C11orf58: variants seen among roughly 807,000 people sequenced by gnomAD.
C11orf58 encodes the protein chromosome 11 open reading frame 58.
In C11orf58, 5 loss-of-function variants were observed where a neutral mutation model predicts 22.7. That is an observed-to-expected ratio of 0.22 (90% CI 0.12 to 0.46). The LOEUF is 0.46. Ranked by LOEUF, C11orf58 falls within the 20% of genes least tolerant of loss-of-function variation. C11orf58 has a pLI of 0.99. For synonymous variants in C11orf58, 71 were observed against 70.7 expected (o/e 1.00, Z -0.02); for missense variants, 151 against 223.3 (o/e 0.68, Z 2.06).
intron 1 of C11orf58, among the ~76,000 whole-genome samples, chr11:16,744,076 A>T (rs1848469776): frequency 6.6e-6 from 1 of 151,676 alleles, no homozygotes; most frequent in Admixed American, 6.6e-5. Context: ...AAGGCAACTG[A>T]AAAGTTAAAA....
rs1204482752 is a variant in C11orf58, at chr11:16,755,922, C to T, written c.*818C>T. 6.6e-6 allele frequency: 1 copy of T among 152,526 alleles called. No homozygotes were observed. The highest frequency in any genetic ancestry group is 2.4e-5 in the African/African-American group (1 of 41,414). 9.4% of individuals were successfully genotyped at this position (152,526 alleles called of 1,614,324 possible). ...GCTGTGATACCTTTATCCTCATTAT[C>T]TACAAATGAGGAACAGGCTTACTGA... On this transcript the variant is annotated 3_prime_UTR_variant, in exon 5 of 5. Transcript: ENST00000228136.
intron 1 of C11orf58, among the ~76,000 whole-genome samples, 165 bp downstream of exon 1, chr11:16,739,006 G>A (rs1376271584): frequency 1.3e-5 from 2 of 152,060 alleles, no homozygotes; most frequent in African/African-American, 2.4e-5. Flanking sequence ...TCTTTATGAG[G>A]GTCAGAAGGT....
rs1333301119 is a variant in C11orf58, at chr11:16,744,696, A to G, written c.147+12A>G. 1 of 1,609,486 alleles carries G rather than the reference A, an allele frequency of 6.2e-7. No homozygotes were observed. Among genetic ancestry groups the G allele is most frequent in the Non-Finnish European group, 8.5e-7 (1 of 1,177,174 alleles). ...TGGGTGCAGGAAAGGTAAGCATCAG[A>G]TGGTGTGCATTTTTACCTTTTCTGT... On this transcript the variant is annotated intron_variant, in intron 2 of 4. Transcript: ENST00000228136.
At chr11:16,741,228 A>AT (rs1202940378) in intron 1 of C11orf58, among the ~76,000 whole-genome samples, 18 of 152,254 alleles carry the variant, frequency 1.2e-4, no homozygotes, top group African/African-American at 4.1e-4. Flanking sequence ...GTAACAAAAC[A>AT]TTTTTTTACT....
rs1459168264 is a variant in C11orf58 at position 16,755,744 on chromosome 11, G to T, written c.*640G>T. The T allele has an allele frequency of 6.6e-6, 1 of 152,472 alleles. No homozygotes were observed. Among genetic ancestry groups the T allele is most frequent in the Non-Finnish European group, 1.5e-5 (1 of 68,002 alleles). 9.4% of individuals were successfully genotyped at this position (152,472 alleles called of 1,614,324 possible). A position where few individuals can be genotyped will look rare whatever the true frequency, so the allele number is the denominator to read the frequency against. On this transcript the variant is annotated 3_prime_UTR_variant, in exon 5 of 5. Coordinates refer to ENST00000228136, the MANE Select transcript of C11orf58 (RefSeq NM_014267.6). ...GGATTGTATCGTATGTTAGATTTTT[G>T]ATAAAATTTGGCCAATTTTTACAGA... is the stretch of plus-strand genomic sequence containing the variant.
chr11:16,755,022 C>G lies in C11orf58; in HGVS notation c.470C>G (p.Pro157Arg). ...SAEELQAAEH[P>R]DEVEDPKNKK... ...GAAGAACTCCAAGCTGCTGAGCACC[C>G]TGATGAAGTGGAGGATCCCAAAAAC... The change falls in exon 5 of 5, where the codon CCT becomes CGT. Residue 157 changes from proline to arginine, a missense_variant. This residue lies in a region of C11orf58 where 112 missense variants were observed against 162.6 expected (regional missense o/e 0.69). Coordinates refer to ENST00000228136, the MANE Select transcript of C11orf58 (RefSeq NM_014267.6). 1 of 1,614,084 alleles carries G rather than the reference C, an allele frequency of 6.2e-7. No individual in the cohort carries two copies. The highest frequency in any genetic ancestry group is 8.5e-7 in the Non-Finnish European group (1 of 1,180,014).
chr11:16,741,400 G>T (rs16933391), intron 1 of C11orf58, among the ~76,000 whole-genome samples: 3,532 of 152,288 alleles, frequency 0.023, 145 homozygotes, highest in African/African-American at 0.081. Flanking sequence ...CGTTTCATTG[G>T]CTTGGAGTGG....
rs1353697132 is a variant in C11orf58 at position 16,755,390 on chromosome 11, GCTT to G, written c.*290_*292del. 9.1e-6 allele frequency: 2 copies of G among 220,120 alleles called. No individual in the cohort carries two copies. Among genetic ancestry groups the G allele is most frequent in the East Asian group, 9.7e-5 (1 of 10,268 alleles). 13.6% of individuals were successfully genotyped at this position (220,120 alleles called of 1,614,324 possible). A position where few individuals can be genotyped will look rare whatever the true frequency, so the allele number is the denominator to read the frequency against. On this transcript the variant is annotated 3_prime_UTR_variant, in exon 5 of 5. Transcript: ENST00000228136. ...CTCTAATTCACCTTATGGGGGAAAT[GCTT>G]CTTTTTGTTTGTGATAGCTATTTTA...
chr11:16,741,305 A>G (rs543983416), intron 1 of C11orf58, among the ~76,000 whole-genome samples: 2 of 152,306 alleles, frequency 1.3e-5, no homozygotes, highest in South Asian at 2.1e-4. Context: ...AGTAAATTCT[A>G]AGAGTCACCA....
rs1848572829 is a variant in C11orf58, at chr11:16,755,836, A to G, written c.*732A>G. 2 of 152,522 alleles carry G rather than the reference A, an allele frequency of 1.3e-5. No individual in the cohort carries two copies. The highest frequency in any genetic ancestry group is 4.8e-5 in the African/African-American group (2 of 41,404). 9.4% of individuals were successfully genotyped at this position (152,522 alleles called of 1,614,324 possible). A position where few individuals can be genotyped will look rare whatever the true frequency, so the allele number is the denominator to read the frequency against. On this transcript the variant is annotated 3_prime_UTR_variant, in exon 5 of 5. Transcript: ENST00000228136. ...GTAAAACTGGATTTTTTTTTAAGTAATATGTGACCAAAGTTAATTTTGTCC... is the reference window on the plus strand; with the variant it reads ...GTAAAACTGGATTTTTTTTTAAGTAGTATGTGACCAAAGTTAATTTTGTCC...
In C11orf58 at chr11:16,754,903, T is replaced by TA; in HGVS notation, c.351_352insA (p.Gly118ArgfsTer3). Reference sequence around the variant, plus strand: ...ACCATGATGGAGAAGGTGATGTGGCTGGAGATGATGATGATGACGATGATG... The same window carrying TA: ...ACCATGATGGAGAAGGTGATGTGGCTAGGAGATGATGATGATGACGATGATG... On this transcript the variant is annotated frameshift_variant, in exon 5 of 5. Transcript: ENST00000228136. LOFTEE classifies it high-confidence loss of function. 1 of 1,614,072 alleles carries TA rather than the reference T, an allele frequency of 6.2e-7. No individual in the cohort carries two copies.
chr11:16,742,607 A>T (rs1191675504), intron 1 of C11orf58, among the ~76,000 whole-genome samples: 2 of 152,232 alleles, frequency 1.3e-5, no homozygotes, highest in Non-Finnish European at 2.9e-5. Context: ...ATGAGAATTT[A>T]GAAGTGCAAA....
chr11:16,753,087 TG>T (rs1292925583), intron 4 of C11orf58, among the ~76,000 whole-genome samples, 193 bp downstream of exon 4: 1 of 152,112 alleles, frequency 6.6e-6, no homozygotes, highest in Non-Finnish European at 1.5e-5. Context: ...GGATTTTGTG[TG>T]GGGTTGTTTT....
At chr11:16,751,032 CTG>C (rs1848528757) in intron 3 of C11orf58, 2 of 152,192 alleles carry the variant, frequency 1.3e-5, no homozygotes, top group Admixed American at 1.3e-4. Flanking sequence ...TCATGTAGCT[CTG>C]TGAGAAGATA....
In C11orf58 at chr11:16,748,281, G is replaced by T. The variant is rs2134071697; in HGVS notation, c.208+124G>T. On this transcript the variant is annotated intron_variant, in intron 3 of 4. Coordinates refer to ENST00000228136, the MANE Select transcript of C11orf58 (RefSeq NM_014267.6). ...AAATTATTAAAATATTATAATTAGA[G>T]CTGGGTGCAGTGGCTTAATGCCTGT... 5.0e-6 allele frequency: 4 copies of T among 794,948 alleles called. No homozygotes were observed. The East Asian group carries it at 9.0e-5, about 18-fold the overall frequency. 49.2% of individuals were successfully genotyped at this position (794,948 alleles called of 1,614,324 possible). A position where few individuals can be genotyped will look rare whatever the true frequency, so the allele number is the denominator to read the frequency against.
At chr11:16,750,721 G>C (rs900039053) in intron 3 of C11orf58, 2 of 154,208 alleles carry the variant, frequency 1.3e-5, no homozygotes, top group African/African-American at 2.4e-5. Flanking sequence ...TATATTATGT[G>C]CACTTTTGCT....
At chr11:16,739,570 T>C (rs1222780653) in intron 1 of C11orf58, 2 of 152,128 alleles carry the variant, frequency 1.3e-5, no homozygotes, top group Non-Finnish European at 2.9e-5. Context: ...CACTGCCGGG[T>C]GTTGGGAATT....
At chr11:16,749,560 T>C (rs1339638634) in intron 3 of C11orf58, 1 of 152,220 alleles carries the variant, frequency 6.6e-6, no homozygotes, top group Non-Finnish European at 1.5e-5. Context: ...AGAAGCTTTA[T>C]CAGTATTTAC....
chr11:16,754,087 TTTA>T, intron 4 of C11orf58: 1 of 399,048 alleles, frequency 2.5e-6, no homozygotes, highest in Non-Finnish European at 4.4e-6. Flanking sequence ...GGAGAGCTTT[TTTA>T]TTTTTTTTTC....
Sources: gnomAD v4.1 joint callset for allele counts (sites outside exome capture counted in the v4.1 genomes callset) on GRCh38, gnomAD v4.1.1 for gene constraint, gnomAD v4.1.1 regional missense constraint, MANE v1.5 for transcripts, NCBI Gene and HGNC (gene_info 2026-07-23, HGNC 2026-07-21) for gene names.